Variants in CHORDC1 observed in about 807,000 individuals in gnomAD.
CHORDC1 encodes the protein cysteine and histidine rich domain containing 1.
A neutral mutation model predicts 48.3 loss-of-function variants in CHORDC1; 25 were observed. The ratio of observed to expected loss-of-function variants is 0.52; its 90% CI spans 0.38 to 0.72. The LOEUF (loss-of-function observed/expected upper bound fraction) is 0.72. Among genes scored for constraint, CHORDC1 ranks in the 30% least tolerant of loss-of-function variants. CHORDC1 has a pLI of 0.00. For missense variants in CHORDC1, 317 were observed against 388.7 expected (o/e 0.82, Z 1.55); for synonymous variants, 128 against 126.4 (o/e 1.01, Z -0.09).
chr11:90,207,150 C>T (rs1355334514), intron 6 of CHORDC1: 1 of 172,958 alleles, frequency 5.8e-6, no homozygotes, highest in East Asian at 1.5e-4. Flanking sequence ...CATAGGCAGT[C>T]TATAATGAAA....
chr11:90,206,304 C>A, intron 6 of CHORDC1, 32 bp from the exon 7 acceptor site: 1 of 1,197,096 alleles, frequency 8.4e-7, no homozygotes, highest in South Asian at 1.2e-5. Context: ...AAAAAATTAG[C>A]TGCGTATCTT....
At chr11:90,216,688 T>C (rs1858021276) in intron 2 of CHORDC1, 1 of 294,324 alleles carries the variant, frequency 3.4e-6, no homozygotes. Flanking sequence ...AAACGGGCAA[T>C]GGACCAAATG....
chr11:90,219,082 A>C (rs1370793898), intron 1 of CHORDC1, among the ~76,000 whole-genome samples: 3 of 152,282 alleles, frequency 2.0e-5, no homozygotes, highest in African/African-American at 7.2e-5. Flanking sequence ...CCTAACCAAC[A>C]TGGTGAAACC....
At chr11:90,213,906 G>A (rs1857934128) in intron 4 of CHORDC1, 112 bp downstream of exon 4, 1 of 886,022 alleles carries the variant, frequency 1.1e-6, no homozygotes, top group African/African-American at 1.7e-5. Context: ...TTCAAAGCTT[G>A]GTGGCCTACA....
chr11:90,202,927 C>CT (rs754505757), intron 9 of CHORDC1, 52 bp from the exon 10 acceptor site: 2 of 1,505,882 alleles, frequency 1.3e-6, no homozygotes, highest in East Asian at 4.6e-5. Context: ...AAGATTTATG[C>CT]TATCAAACAC....
At chr11:90,204,473 C>A (rs776795965) in intron 8 of CHORDC1, among the ~76,000 whole-genome samples, 17 of 152,142 alleles carry the variant, frequency 1.1e-4, no homozygotes, top group Non-Finnish European at 2.2e-4. Context: ...ATAATCCCAG[C>A]ACTTTTGGAG....
In CHORDC1 at chr11:90,202,498, G is replaced by C; in HGVS notation, c.906C>G (p.Ile302Met). 6.2e-7 allele frequency: 1 copy of C among 1,612,940 alleles called. No individual in the cohort carries two copies. Among genetic ancestry groups the C allele is most frequent in the Non-Finnish European group, 8.5e-7 (1 of 1,179,556 alleles). Residue 302 changes from isoleucine (I) to methionine (M), a missense_variant, in exon 11 of 11, where the codon ATC (isoleucine) becomes ATG (methionine). By Grantham distance (10) the Ile-to-Met change is conservative. Coordinates refer to ENST00000320585, the MANE Select transcript of CHORDC1 (RefSeq NM_012124.3). ...YVTMTATKIE[I>M]TMRKAEPMQW... ...GCATCGGTTCAGCTTTTCTCATAGT[G>C]ATTTCAATCTTTGTTGCAGTCATAG...
intron 1 of CHORDC1, among the ~76,000 whole-genome samples, chr11:90,221,709 T>A (rs561680543): frequency 6.6e-6 from 1 of 152,366 alleles, no homozygotes; most frequent in African/African-American, 2.4e-5. Context: ...CATATTTGCA[T>A]CATAAAAATG....
intron 1 of CHORDC1, chr11:90,222,581 C>G (rs1214835573): frequency 1.0e-5 from 6 of 599,608 alleles, no homozygotes; most frequent in South Asian, 6.1e-5. Flanking sequence ...GAAACGTGTT[C>G]GTTCTAAATT....
chr11:90,213,599 T>C (rs1857927802), intron 4 of CHORDC1: 4 of 458,440 alleles, frequency 8.7e-6, no homozygotes, highest in Middle Eastern at 6.0e-4. Context: ...AGTAATGAGA[T>C]TAACGGTAGT....
rs1330721755 is a variant in CHORDC1 at position 90,206,243 on chromosome 11, T to G, written c.522A>C (p.Glu174Asp). ...GTACTCCAGAATGATATACACAGACTTCTTCTAGACTCTCTAGACCCTGGT... is the reference window on the plus strand; with the variant it reads ...GTACTCCAGAATGATATACACAGACGTCTTCTAGACTCTCTAGACCCTGGT... The part of the protein sequence containing the change: ...KTYQGLESLE[E>D]VCVYHSGVPI... Residue 174 changes from glutamate (E) to aspartate (D), a missense_variant, in exon 7 of 11, where the codon GAA (glutamate) becomes GAC (aspartate). Coordinates refer to ENST00000320585, the MANE Select transcript of CHORDC1 (RefSeq NM_012124.3). 1 of 1,576,626 alleles carries G rather than the reference T, an allele frequency of 6.3e-7. No homozygotes were observed. Among genetic ancestry groups the G allele is most frequent in the Non-Finnish European group, 8.7e-7 (1 of 1,146,092 alleles).
intron 4 of CHORDC1, 41 bp downstream of exon 4, chr11:90,213,977 T>TA (rs765525360): frequency 6.7e-7 from 1 of 1,501,828 alleles, no homozygotes; most frequent in Non-Finnish European, 9.1e-7. Flanking sequence ...CAAGTGCTAC[T>TA]ATTCAAGTGT....
intron 5 of CHORDC1, 26 bp downstream of exon 5, chr11:90,211,189 A>C: frequency 7.0e-7 from 1 of 1,430,806 alleles, no homozygotes; most frequent in South Asian, 1.2e-5. Flanking sequence ...GAAAATAATT[A>C]ACAATAAAAC....
chr11:90,206,299 A>AT (rs1857684116), intron 6 of CHORDC1, 27 bp from the exon 7 acceptor site: 1 of 1,242,818 alleles, frequency 8.0e-7, no homozygotes, highest in African/African-American at 1.5e-5. Flanking sequence ...GAGAAAAAAA[A>AT]TTAGCTGCGT....
chr11:90,201,465 T>C lies in CHORDC1; in HGVS notation c.*940A>G, dbSNP rs183098985. 8.6e-4 allele frequency: 131 copies of C among 152,132 alleles called. No individual in the cohort carries two copies. The highest frequency in any genetic ancestry group is 5.8e-3 in the Admixed American group (89 of 15,276). The allele number at this position is 152,132 out of a possible 1,614,324, so 9.4% of individuals were successfully genotyped here. ...AAACTCCAAAACAATTAAGCTATTT[T>C]TATTTAACATGTAATAGTCATAAAG... is the stretch of plus-strand genomic sequence containing the variant. On this transcript the variant is annotated 3_prime_UTR_variant, in exon 11 of 11. Transcript: ENST00000320585.
intron 2 of CHORDC1, among the ~76,000 whole-genome samples, chr11:90,217,021 A>G (rs1215976021): frequency 6.6e-6 from 1 of 152,228 alleles, no homozygotes; most frequent in African/African-American, 2.4e-5. Flanking sequence ...AAAAATAAAC[A>G]TTTCCACAGC....
At chr11:90,210,208 T>A (rs926426351) in intron 6 of CHORDC1, among the ~76,000 whole-genome samples, 2 of 152,216 alleles carry the variant, frequency 1.3e-5, no homozygotes, top group Non-Finnish European at 2.9e-5. Flanking sequence ...TAACTACCTA[T>A]TTGTTGCTCT....
At chr11:90,213,373 A>G (rs1167923866) in intron 4 of CHORDC1, 1 of 686,942 alleles carries the variant, frequency 1.5e-6, no homozygotes. Context: ...TAAGTCCTGT[A>G]GTTTGCTTCT....
chr11:90,216,983 T>G (rs970527826), intron 2 of CHORDC1, among the ~76,000 whole-genome samples: 1 of 151,996 alleles, frequency 6.6e-6, no homozygotes, highest in Non-Finnish European at 1.5e-5. Flanking sequence ...GAAATGGCAG[T>G]CTAGGAAAAA....
Sources: gnomAD v4.1 joint callset for allele counts (sites outside exome capture counted in the v4.1 genomes callset) on GRCh38, gnomAD v4.1.1 for gene constraint, MANE v1.5 for transcripts, NCBI Gene and HGNC (gene_info 2026-07-23, HGNC 2026-07-21) for gene names.